The following ATAD1 variants were observed in gnomAD, a reference collection of about 807,000 sequenced individuals.
ATAD1 encodes outer mitochondrial transmembrane helix translocase.
Under a neutral mutation model 42.7 loss-of-function variants are expected in ATAD1, and 18 were observed. The ratio of observed to expected loss-of-function variants is 0.42; its 90% CI spans 0.29 to 0.63. ATAD1 has a LOEUF of 0.63. Among genes scored for constraint, ATAD1 ranks in the 20% least tolerant of loss-of-function variants. The pLI is 0.19. For synonymous variants in ATAD1, 132 were observed against 143.1 expected, an observed-to-expected ratio of 0.92 and a Z score of 0.55; for missense variants, 294 against 440.4, an observed-to-expected ratio of 0.67 and a Z score of 2.98.
chr10:87,757,021 C>G (rs1854253534), intron 8 of ATAD1, 99 bp from the exon 9 acceptor site: 10 of 964,102 alleles, frequency 1.0e-5, no homozygotes, highest in Non-Finnish European at 1.4e-5. Context: ...CATATTATAA[C>G]TGCATGGGAG....
At chr10:87,806,924 A>C (rs1160072779) in intron 2 of ATAD1, among the ~76,000 whole-genome samples, 1 of 152,174 alleles carries the variant, frequency 6.6e-6, no homozygotes, top group African/African-American at 2.4e-5. Flanking sequence ...ACTAGTCTTC[A>C]TCTACCATTA....
At chr10:87,782,734 G>A (rs1486421365) in intron 5 of ATAD1, among the ~76,000 whole-genome samples, 1 of 152,058 alleles carries the variant, frequency 6.6e-6, no homozygotes, top group South Asian at 2.1e-4. Context: ...AATCAGCTAG[G>A]CGTTATAATC....
chr10:87,804,845 C>T (rs555869164), intron 2 of ATAD1, among the ~76,000 whole-genome samples: 9 of 152,236 alleles, frequency 5.9e-5, no homozygotes, highest in African/African-American at 2.2e-4. Context: ...TAAATATGAT[C>T]CAAGCAGCAG....
intron 2 of ATAD1, among the ~76,000 whole-genome samples, chr10:87,813,452 A>T (rs985378534): frequency 1.3e-5 from 2 of 152,024 alleles, no homozygotes; most frequent in Admixed American, 6.6e-5. Context: ...TTTATAATAA[A>T]ATTCAAGGAA....
chr10:87,812,973 C>G (rs1857255050), intron 2 of ATAD1, among the ~76,000 whole-genome samples: 1 of 152,166 alleles, frequency 6.6e-6, no homozygotes, highest in Non-Finnish European at 1.5e-5. Flanking sequence ...GGATATGCTA[C>G]TTACTATTAT....
chr10:87,831,276 T>TGAC (rs10640869), intron 1 of ATAD1, among the ~76,000 whole-genome samples: 28,896 of 152,108 alleles, frequency 0.19, 2,866 homozygotes, highest in Middle Eastern at 0.27. Flanking sequence ...TAGGATTCAC[T>TGAC]AACTGCTTCA....
At chr10:87,780,442 A>T (rs940748638) in intron 5 of ATAD1, among the ~76,000 whole-genome samples, 2 of 152,210 alleles carry the variant, frequency 1.3e-5, no homozygotes, top group Non-Finnish European at 2.9e-5. Context: ...TTTGGTTAAT[A>T]ACAATGTATC....
intron 2 of ATAD1, among the ~76,000 whole-genome samples, chr10:87,814,085 T>C (rs1857306155): frequency 6.6e-6 from 1 of 152,148 alleles, no homozygotes; most frequent in Non-Finnish European, 1.5e-5. Flanking sequence ...TCAGATGTCA[T>C]ACACAGCAAA....
At chr10:87,778,270 C>G (rs189406379) in intron 5 of ATAD1, among the ~76,000 whole-genome samples, 1 of 150,422 alleles carries the variant, frequency 6.6e-6, no homozygotes, top group Non-Finnish European at 1.5e-5. Context: ...AACCCCTCCT[C>G]TATTCAAAAA....
At chr10:87,815,947 T>C (rs1360177313) in intron 1 of ATAD1, among the ~76,000 whole-genome samples, 2 of 152,134 alleles carry the variant, frequency 1.3e-5, no homozygotes, top group Non-Finnish European at 2.9e-5. Context: ...CGTATCTGTC[T>C]AGTATCCTGC....
intron 2 of ATAD1, among the ~76,000 whole-genome samples, chr10:87,801,672 T>C (rs1023167790): frequency 1.3e-5 from 2 of 152,254 alleles, no homozygotes; most frequent in African/African-American, 4.8e-5. Flanking sequence ...AACTATGTCT[T>C]TGACTATGGC....
chr10:87,840,090 A>C (rs774729272), intron 1 of ATAD1, among the ~76,000 whole-genome samples: 4 of 152,236 alleles, frequency 2.6e-5, no homozygotes, highest in Non-Finnish European at 5.9e-5. Flanking sequence ...CTAAAATGTT[A>C]CATTGTTCCA....
At chr10:87,790,816 G>A (rs898536113) in intron 3 of ATAD1, among the ~76,000 whole-genome samples, 1 of 152,064 alleles carries the variant, frequency 6.6e-6, no homozygotes, top group African/African-American at 2.4e-5. Context: ...TATACAGGAT[G>A]TTGTCAAGCA....
At chr10:87,759,757 A>T in intron 8 of ATAD1, 1 of 455,892 alleles carries the variant, frequency 2.2e-6, no homozygotes, top group South Asian at 1.5e-5. Context: ...GCAAGTTATT[A>T]CAAAACTTCT....
intron 2 of ATAD1, among the ~76,000 whole-genome samples, chr10:87,797,093 T>G (rs957038335): frequency 5.3e-5 from 8 of 152,178 alleles, no homozygotes; most frequent in Admixed American, 1.3e-4. Context: ...AGTAGCTGAA[T>G]TGGGGTTTTG....
chr10:87,788,873 G>GT (rs1217237385), intron 4 of ATAD1, among the ~76,000 whole-genome samples: 11 of 151,876 alleles, frequency 7.2e-5, no homozygotes, highest in Non-Finnish European at 1.3e-4. Flanking sequence ...ATCATTCAAA[G>GT]TTTTTTTTGC....
At chr10:87,788,094 C>T (rs894583831) in intron 4 of ATAD1, among the ~76,000 whole-genome samples, 5 of 152,182 alleles carry the variant, frequency 3.3e-5, no homozygotes, top group Non-Finnish European at 7.4e-5. Context: ...TGTGTGCCCC[C>T]ATTTCCCTGT....
chr10:87,762,881 C>T (rs1383233391), intron 8 of ATAD1, among the ~76,000 whole-genome samples: 2 of 136,520 alleles, frequency 1.5e-5, no homozygotes, highest in Non-Finnish European at 3.1e-5. Flanking sequence ...CCAGCCTGAT[C>T]AACATGGTGA....
chr10:87,763,197 A>G (rs769216428), intron 8 of ATAD1, among the ~76,000 whole-genome samples: 3 of 151,812 alleles, frequency 2.0e-5, no homozygotes, highest in Non-Finnish European at 4.4e-5. Flanking sequence ...GAAACTGTAC[A>G]TATTTCATGT....
Sources: allele counts gnomAD v4.1 joint callset (sites outside exome capture counted in the v4.1 genomes callset), GRCh38; gene constraint gnomAD v4.1.1; transcripts MANE v1.5; gene names NCBI Gene and HGNC (gene_info 2026-07-23, HGNC 2026-07-21).